DLGAP1: variants seen among roughly 807,000 people sequenced by gnomAD.
DLGAP1 encodes the protein DLG associated protein 1.
In DLGAP1, 11 loss-of-function variants were observed where a neutral mutation model predicts 90.8. The ratio of observed to expected loss-of-function variants is 0.12; its 90% CI spans 0.08 to 0.20. DLGAP1 has a LOEUF of 0.20. Ranked by LOEUF, DLGAP1 falls within the 10% of genes least tolerant of loss-of-function variation. DLGAP1 has a pLI of 1.00. For synonymous variants in DLGAP1, 558 were observed against 540.7 expected (o/e 1.03, Z -0.44); for missense variants, 1,050 against 1,333.8 (o/e 0.79, Z 3.31).
intron 1 of DLGAP1, among the ~76,000 whole-genome samples, chr18:4,435,949 T>C (rs1242287304): frequency 6.6e-6 from 1 of 152,054 alleles, no homozygotes; most frequent in Non-Finnish European, 1.5e-5. Context: ...CACACAGGTG[T>C]CACAAATTAG....
chr18:4,030,072 A>G (rs932963978), intron 2 of DLGAP1, among the ~76,000 whole-genome samples: 1 of 152,172 alleles, frequency 6.6e-6, no homozygotes, highest in Admixed American at 6.5e-5. Flanking sequence ...GGCTCACTGC[A>G]ATGTCCACCT....
chr18:4,423,851 TAAAAA>T (rs36053501), intron 1 of DLGAP1, among the ~76,000 whole-genome samples: 7 of 120,644 alleles, frequency 5.8e-5, no homozygotes, highest in African/African-American at 1.9e-4. Flanking sequence ...CCCAGGAATT[TAAAAA>T]AAAAAAAAAA....
intron 1 of DLGAP1, among the ~76,000 whole-genome samples, chr18:4,400,572 A>G: frequency 6.6e-6 from 1 of 152,078 alleles, no homozygotes; most frequent in Non-Finnish European, 1.5e-5. Context: ...AGACTGCAGG[A>G]CATACACAGA....
At chr18:4,283,333 A>G (rs184840375) in intron 1 of DLGAP1, among the ~76,000 whole-genome samples, 4 of 152,334 alleles carry the variant, frequency 2.6e-5, no homozygotes, top group South Asian at 4.1e-4. Flanking sequence ...CTTAAGTAAC[A>G]TGGGAGAGTT....
intron 8 of DLGAP1, among the ~76,000 whole-genome samples, chr18:3,577,303 C>T (rs2055215771): frequency 6.6e-6 from 1 of 152,210 alleles, no homozygotes. Flanking sequence ...GGTAACCCCA[C>T]CTTTTCCTTC....
chr18:4,380,181 A>G (rs2144303501), intron 1 of DLGAP1, among the ~76,000 whole-genome samples: 1 of 152,312 alleles, frequency 6.6e-6, no homozygotes, highest in Non-Finnish European at 1.5e-5. Flanking sequence ...ATGAGGAGTA[A>G]TATCACAAAC....
At chr18:4,394,188 C>A (rs150574064) in intron 1 of DLGAP1, among the ~76,000 whole-genome samples, 2 of 152,178 alleles carry the variant, frequency 1.3e-5, no homozygotes, top group Non-Finnish European at 2.9e-5. Context: ...AGAAGAAAGC[C>A]ACCGTCAGGA....
chr18:3,545,466 T>C (rs1356582119), intron 9 of DLGAP1, among the ~76,000 whole-genome samples: 2 of 152,268 alleles, frequency 1.3e-5, no homozygotes, highest in East Asian at 1.9e-4. Flanking sequence ...TAAATGTAAA[T>C]GGTCTAATCA....
intron 3 of DLGAP1, among the ~76,000 whole-genome samples, chr18:3,939,615 G>A (rs2072725835): frequency 6.6e-6 from 1 of 152,106 alleles, no homozygotes; most frequent in Non-Finnish European, 1.5e-5. Flanking sequence ...GTATCTTACA[G>A]GGATACATAT....
intron 2 of DLGAP1, among the ~76,000 whole-genome samples, chr18:4,113,976 G>GT (rs796534756): frequency 7.5e-5 from 11 of 147,182 alleles, no homozygotes; most frequent in African/African-American, 1.5e-4. Context: ...CTATGTGTCT[G>GT]TTTTTTTGCC....
At chr18:3,982,327 G>A (rs879805483) in intron 3 of DLGAP1, among the ~76,000 whole-genome samples, 3 of 151,988 alleles carry the variant, frequency 2.0e-5, no homozygotes, top group East Asian at 1.9e-4. Flanking sequence ...CAGCTACTTC[G>A]GCACACTTAT....
intron 3 of DLGAP1, among the ~76,000 whole-genome samples, chr18:3,965,937 T>A (rs1329482176): frequency 2.5e-5 from 1 of 40,490 alleles, no homozygotes; most frequent in Admixed American, 2.9e-4. Flanking sequence ...TAAGACTCCA[T>A]GTCAAAAAAA....
chr18:4,009,996 C>T (rs1419869164), intron 2 of DLGAP1, among the ~76,000 whole-genome samples: 10 of 152,224 alleles, frequency 6.6e-5, no homozygotes, highest in African/African-American at 1.9e-4. Flanking sequence ...GCACTACTTA[C>T]AAGATCATGC....
intron 2 of DLGAP1, among the ~76,000 whole-genome samples, chr18:4,100,134 C>CA (rs1234444347): frequency 6.6e-6 from 1 of 152,162 alleles, no homozygotes; most frequent in African/African-American, 2.4e-5. Flanking sequence ...TGGACCTTGA[C>CA]AAAATCCATC....
chr18:3,808,330 T>A (rs1371371796), intron 5 of DLGAP1, among the ~76,000 whole-genome samples: 3 of 151,288 alleles, frequency 2.0e-5, no homozygotes, highest in African/African-American at 7.3e-5. Context: ...GCGTTTCTTA[T>A]TATATTGGAA....
intron 1 of DLGAP1, among the ~76,000 whole-genome samples, chr18:4,426,850 C>A (rs1484921138): frequency 2.6e-5 from 4 of 151,778 alleles, no homozygotes; most frequent in Non-Finnish European, 5.9e-5. Flanking sequence ...TCAAGAATAC[C>A]AAGTAAAAAT....
intron 1 of DLGAP1, among the ~76,000 whole-genome samples, chr18:4,189,142 T>C (rs1157963697): frequency 6.6e-6 from 1 of 152,144 alleles, no homozygotes; most frequent in African/African-American, 2.4e-5. Flanking sequence ...ATCATCTCCA[T>C]AAAATGAATG....
intron 2 of DLGAP1, among the ~76,000 whole-genome samples, chr18:4,136,043 T>A (rs904547017): frequency 2.6e-5 from 4 of 151,412 alleles, no homozygotes; most frequent in African/African-American, 9.7e-5. Context: ...ACAGGCCCGA[T>A]GTGTGATGTT....
At chr18:3,598,050 T>C (rs1175237203) in intron 7 of DLGAP1, 1 of 152,308 alleles carries the variant, frequency 6.6e-6, no homozygotes, top group Non-Finnish European at 1.5e-5. Context: ...GGGTTAGTGC[T>C]TAAAAAAATT....
Sources: gnomAD v4.1 joint callset for allele counts (sites outside exome capture counted in the v4.1 genomes callset) on GRCh38, gnomAD v4.1.1 for gene constraint, MANE v1.5 for transcripts, NCBI Gene and HGNC (gene_info 2026-07-23, HGNC 2026-07-21) for gene names.